The following GFRAL variants were observed in gnomAD, a reference collection of about 807,000 sequenced individuals.
GFRAL encodes the protein GDNF family receptor alpha like.
A neutral mutation model predicts 45.4 loss-of-function variants in GFRAL; 36 were observed. The ratio of observed to expected loss-of-function variants is 0.79; its 90% CI spans 0.61 to 1.05. The LOEUF (loss-of-function observed/expected upper bound fraction) is 1.05, where lower values mean the gene tolerates loss of function less well. Ranked by LOEUF, GFRAL falls within the 50% of genes least tolerant of loss-of-function variation. The pLI is 0.00. For synonymous variants in GFRAL, 166 were observed against 154.1 expected, an observed-to-expected ratio of 1.08 and a Z score of -0.57; for missense variants, 507 against 467.5, an observed-to-expected ratio of 1.08 and a Z score of -0.78.
chr6:55,370,568 G>T (rs1305922328), intron 6 of GFRAL, among the ~76,000 whole-genome samples: 1 of 152,116 alleles, frequency 6.6e-6, no homozygotes, highest in African/African-American at 2.4e-5. Context: ...GATCATCTTA[G>T]TACATTTTTC....
rs764406399 is a variant in GFRAL, at chr6:55,359,099, A to G, written c.913A>G (p.Lys305Glu). 4.3e-6 allele frequency: 7 copies of G among 1,612,628 alleles called. No homozygotes were observed. The Admixed American group carries it at 1.0e-4, about 23-fold the overall frequency. Reference protein sequence around the residue: ...TITQSEESLCKIFQHMLHRKS... With the variant: ...TITQSEESLCEIFQHMLHRKS... ...TACACAAAGTGAGGAATCTTTGTGT[A>G]AGATTTTCCAGCACATGCTTCATAG... Residue 305 changes from lysine (K) to glutamate (E), a missense_variant, in exon 6 of 9, where the codon AAG (lysine) becomes GAG (glutamate). By Grantham distance (56) the Lys-to-Glu change is moderately conservative. Transcript: ENST00000340465.
chr6:55,401,928 T>C lies in GFRAL; in HGVS notation c.*75T>C, dbSNP rs1768904832. The stretch of plus-strand genomic sequence containing the variant: ...TTCTTTCCTCTTTTCTTCTCTCCTC[T>C]CCTCTCCTCTCTTCTCCTCTCCTCC... On this transcript the variant is annotated 3_prime_UTR_variant, in exon 9 of 9. Coordinates refer to ENST00000340465, the MANE Select transcript of GFRAL (RefSeq NM_207410.2). 5.0e-6 allele frequency: 4 copies of C among 794,852 alleles called. No individual in the cohort carries two copies. The highest frequency in any genetic ancestry group is 2.1e-5 in the Admixed American group (1 of 47,916). 49.2% of individuals were successfully genotyped at this position (794,852 alleles called of 1,614,324 possible). A position where few individuals can be genotyped will look rare whatever the true frequency, so the allele number is the denominator to read the frequency against.
At chr6:55,359,694 C>G (rs546318432) in intron 6 of GFRAL, among the ~76,000 whole-genome samples, 1 of 151,922 alleles carries the variant, frequency 6.6e-6, no homozygotes, top group Middle Eastern at 3.2e-3. Context: ...TTCAATATGA[C>G]ATCTTCAGCA....
At chr6:55,357,642 CTT>C (rs1768213405) in intron 5 of GFRAL, among the ~76,000 whole-genome samples, 1 of 151,580 alleles carries the variant, frequency 6.6e-6, no homozygotes. Context: ...CATACTATGT[CTT>C]TTAATTGGAG....
chr6:55,398,901 T>G (rs1768860439), intron 6 of GFRAL, among the ~76,000 whole-genome samples: 1 of 152,182 alleles, frequency 6.6e-6, no homozygotes, highest in Non-Finnish European at 1.5e-5. Flanking sequence ...TTTTCTTGTC[T>G]GTATATAAGA....
At chr6:55,391,992 T>C (rs1768760320) in intron 6 of GFRAL, among the ~76,000 whole-genome samples, 1 of 152,232 alleles carries the variant, frequency 6.6e-6, no homozygotes, top group African/African-American at 2.4e-5. Context: ...TGTTGCTTTC[T>C]AGTTAGATTT....
At chr6:55,337,999 C>G (rs1014584608) in intron 3 of GFRAL, among the ~76,000 whole-genome samples, 3 of 152,110 alleles carry the variant, frequency 2.0e-5, no homozygotes, top group Admixed American at 1.3e-4. Context: ...TTAGCTATAG[C>G]CACACATTCT....
chr6:55,345,268 G>A (rs1394914459), intron 3 of GFRAL, among the ~76,000 whole-genome samples: 1 of 152,144 alleles, frequency 6.6e-6, no homozygotes, highest in Non-Finnish European at 1.5e-5. Context: ...AAAGCTGGAG[G>A]CATCTTGCTA....
intron 5 of GFRAL, among the ~76,000 whole-genome samples, chr6:55,354,573 G>A (rs1768163083): frequency 6.6e-6 from 1 of 151,974 alleles, no homozygotes; most frequent in African/African-American, 2.4e-5. Context: ...TGATGGAAAT[G>A]TTATATAATA....
At position 55,331,867 on chromosome 6, in the gene GFRAL, A is replaced by T. The variant is rs996228228; in HGVS notation, c.157+18A>T. 2 of 1,595,486 alleles carry T rather than the reference A, an allele frequency of 1.3e-6. No homozygotes were observed. The highest frequency in any genetic ancestry group is 2.3e-5 in the East Asian group (1 of 44,170). On this transcript the variant is annotated intron_variant, in intron 2 of 8. Transcript: ENST00000340465. ...TGATTCAGGTAAACAAGTTGCTAAA[A>T]ATACACTCAAATGATTTATTTTTAC...
intron 2 of GFRAL, among the ~76,000 whole-genome samples, chr6:55,332,089 T>G (rs1767837955): frequency 6.6e-6 from 1 of 152,192 alleles, no homozygotes; most frequent in South Asian, 2.1e-4. Flanking sequence ...GATTATTTTC[T>G]TACCTCTCTC....
intron 6 of GFRAL, among the ~76,000 whole-genome samples, chr6:55,395,287 A>G (rs965075556): frequency 6.6e-6 from 1 of 151,410 alleles, no homozygotes; most frequent in Non-Finnish European, 1.5e-5. Context: ...TGTCTGGACA[A>G]TCAGTGGTAA....
intron 3 of GFRAL, among the ~76,000 whole-genome samples, chr6:55,337,216 A>G (rs1767903010): frequency 6.6e-6 from 1 of 152,040 alleles, no homozygotes; most frequent in African/African-American, 2.4e-5. Flanking sequence ...TATATGGCGA[A>G]ATTCATTATT....
At chr6:55,373,087 CA>C (rs571971780) in intron 6 of GFRAL, among the ~76,000 whole-genome samples, 4,973 of 127,504 alleles carry the variant, frequency 0.039, 113 homozygotes, top group Middle Eastern at 0.062. Flanking sequence ...AGCAAAACCT[CA>C]AAAAAAAAAA....
At chr6:55,357,557 T>G (rs1388757051) in intron 5 of GFRAL, among the ~76,000 whole-genome samples, 3 of 151,796 alleles carry the variant, frequency 2.0e-5, no homozygotes, top group African/African-American at 7.2e-5. Context: ...TGTGTTTCTT[T>G]ATAGATGATG....
chr6:55,329,082 A>T (rs1767799361), intron 1 of GFRAL, among the ~76,000 whole-genome samples: 1 of 152,092 alleles, frequency 6.6e-6, no homozygotes. Flanking sequence ...TGAGTATTAC[A>T]GGAAAATTCT....
chr6:55,382,495 C>G (rs150085802), intron 6 of GFRAL, among the ~76,000 whole-genome samples: 85 of 151,836 alleles, frequency 5.6e-4, no homozygotes, highest in African/African-American at 1.9e-3. Flanking sequence ...GGGTTGGGTC[C>G]TCAGGGAAAA....
chr6:55,362,012 A>G (rs546533006), intron 6 of GFRAL, among the ~76,000 whole-genome samples: 1 of 152,124 alleles, frequency 6.6e-6, no homozygotes, highest in South Asian at 2.1e-4. Context: ...TTTTTATGCA[A>G]CATACTCTGT....
chr6:55,394,546 A>G (rs1768796767), intron 6 of GFRAL, among the ~76,000 whole-genome samples: 2 of 152,216 alleles, frequency 1.3e-5, no homozygotes, highest in Admixed American at 6.5e-5. Flanking sequence ...GTTGAGGATC[A>G]GAGACAATTA....
Sources: allele counts gnomAD v4.1 joint callset (sites outside exome capture counted in the v4.1 genomes callset), GRCh38; gene constraint gnomAD v4.1.1; transcripts MANE v1.5; gene names NCBI Gene and HGNC (gene_info 2026-07-23, HGNC 2026-07-21).